Variants in CLSTN2 observed in about 807,000 individuals in gnomAD.
The protein encoded by CLSTN2 is calsyntenin 2, also known as calsyntenin-2.
A neutral mutation model predicts 101.2 loss-of-function variants in CLSTN2; 48 were observed. The observed-to-expected ratio is 0.47, with a 90% CI of 0.38 to 0.60. CLSTN2 has a LOEUF of 0.60. Among genes scored for constraint, CLSTN2 ranks in the 20% least tolerant of loss-of-function variants. The pLI, the probability that CLSTN2 is intolerant of heterozygous loss-of-function variation, is 0.00. For synonymous variants in CLSTN2, 481 were observed against 463.6 expected (o/e 1.04, Z -0.48); for missense variants, 1,160 against 1,238.2 (o/e 0.94, Z 0.95).
intron 8 of CLSTN2, among the ~76,000 whole-genome samples, chr3:140,468,874 G>A (rs1254299753): frequency 5.9e-5 from 9 of 152,202 alleles, no homozygotes. Flanking sequence ...TGCTCAAGCT[G>A]TCCTATTCTT....
At chr3:139,972,318 G>A (rs1935722124) in intron 1 of CLSTN2, among the ~76,000 whole-genome samples, 1 of 152,032 alleles carries the variant, frequency 6.6e-6, no homozygotes, top group African/African-American at 2.4e-5. Flanking sequence ...CAATTTAGTG[G>A]GTCCTCCTTT....
intron 2 of CLSTN2, among the ~76,000 whole-genome samples, chr3:140,227,286 C>G (rs1006051564): frequency 5.3e-5 from 8 of 152,184 alleles, no homozygotes; most frequent in Admixed American, 5.2e-4. Context: ...AAAGGGGCTA[C>G]AGGCTCCATG....
intron 2 of CLSTN2, among the ~76,000 whole-genome samples, chr3:140,222,079 G>A (rs897105127): frequency 5.3e-5 from 8 of 151,976 alleles, no homozygotes; most frequent in African/African-American, 1.2e-4. Context: ...GATGTCCACC[G>A]AGAGATGAAT....
intron 1 of CLSTN2, among the ~76,000 whole-genome samples, chr3:139,943,134 G>A (rs921796600): frequency 6.6e-6 from 1 of 151,982 alleles, no homozygotes; most frequent in Admixed American, 6.6e-5. Flanking sequence ...TGGCCTCTGG[G>A]TGAAAGGTAC....
At chr3:140,026,669 A>G (rs778164878) in intron 1 of CLSTN2, among the ~76,000 whole-genome samples, 2 of 152,220 alleles carry the variant, frequency 1.3e-5, no homozygotes, top group African/African-American at 2.4e-5. Flanking sequence ...TCCAGGCTGA[A>G]TGGCTGACTG....
rs2010737959 is a variant in CLSTN2, at chr3:140,203,059, GTC to G, written c.232+26988_232+26989del. 4.6e-5 allele frequency among the ~76,000 whole-genome samples: 7 copies of G among 152,288 alleles called. No homozygotes were observed. The South Asian group carries it at 1.5e-3, about 32-fold the overall frequency. On this transcript the variant is annotated intron_variant, in intron 2 of 16. Coordinates refer to ENST00000458420, the MANE Select transcript of CLSTN2 (RefSeq NM_022131.3). ...AGGTGGGAGGATCTGGCTCCTGAAT[GTC>G]TACATGGAGTAGTACCCTCCCCTCC...
chr3:140,564,038 C>A lies in CLSTN2; in HGVS notation c.2560C>A (p.Arg854=). The part of the protein sequence containing the change: ...LVFVVAMGVY[R]VRIAHQHFIQ... ...GTTTGTCGTGGCCATGGGTGTGTAC[C>A]GGGTCCGGATCGCCCACCAGCACTT... is the stretch of plus-strand genomic sequence containing the variant. The change falls in exon 16 of 17, where the codon CGG becomes AGG. Residue 854 remains arginine, a synonymous_variant. Coordinates refer to ENST00000458420, the MANE Select transcript of CLSTN2 (RefSeq NM_022131.3). 6.2e-7 allele frequency: 1 copy of A among 1,614,132 alleles called. No homozygotes were observed. Among genetic ancestry groups the A allele is most frequent in the South Asian group, 1.1e-5 (1 of 91,076 alleles).
intron 1 of CLSTN2, among the ~76,000 whole-genome samples, chr3:140,101,358 T>C (rs544698915): frequency 6.6e-6 from 1 of 152,210 alleles, no homozygotes; most frequent in Non-Finnish European, 1.5e-5. Context: ...CATATGCCAG[T>C]GTACATGTAC....
chr3:140,107,148 G>A (rs1427178148), intron 1 of CLSTN2, among the ~76,000 whole-genome samples: 6 of 152,182 alleles, frequency 3.9e-5, no homozygotes, highest in Admixed American at 6.5e-5. Context: ...TTTCTACAGA[G>A]CCCACAGGGA....
chr3:140,026,790 T>TA (rs2007430943), intron 1 of CLSTN2, among the ~76,000 whole-genome samples: 1 of 152,214 alleles, frequency 6.6e-6, no homozygotes. Context: ...TGAGACCCCC[T>TA]ACTTCCTATC....
Position 140,315,705 on chromosome 3 carries a change from C to A in CLSTN2, c.233-87924C>A, listed in dbSNP as rs76430229. On this transcript the variant is annotated intron_variant, in intron 2 of 16. Transcript: ENST00000458420. ...GTGGCTGTTACTTGAATGTGGGGCT[C>A]CCTCTAGCAATTTGTCTTCCAGGAG... Among the ~76,000 whole-genome samples, 580 of 152,256 alleles carry A rather than the reference C, an allele frequency of 3.8e-3. 9 individuals carry two copies. The highest frequency in any genetic ancestry group is 0.013 in the African/African-American group (550 of 41,546).
intron 1 of CLSTN2, among the ~76,000 whole-genome samples, chr3:140,066,391 C>T (rs1411484989): frequency 6.6e-6 from 1 of 152,164 alleles, no homozygotes; most frequent in Non-Finnish European, 1.5e-5. Context: ...TTTATAGCTG[C>T]CAAACCCTTT....
intron 9 of CLSTN2, among the ~76,000 whole-genome samples, chr3:140,543,381 C>T (rs1011466262): frequency 2.0e-5 from 3 of 152,208 alleles, no homozygotes; most frequent in Admixed American, 1.3e-4. Flanking sequence ...TTCCCATAGC[C>T]GTGGGCCATC....
In CLSTN2 at chr3:140,528,138, T is replaced by C. The variant is rs559558262; in HGVS notation, c.1345-4186T>C. Among the ~76,000 whole-genome samples the C allele has an allele frequency of 1.6e-3, 241 of 152,312 alleles. 2 individuals carry two copies. The highest frequency in any genetic ancestry group is 5.4e-3 in the African/African-American group (226 of 41,572). On this transcript the variant is annotated intron_variant, in intron 8 of 16. Coordinates refer to ENST00000458420, the MANE Select transcript of CLSTN2 (RefSeq NM_022131.3). ...TTTCTAATAGTGCCTAAGACAGAAT[T>C]GGTCCTCCTATTTTATAGGGTTGTG...
At chr3:139,982,745 A>C (rs1036819905) in intron 1 of CLSTN2, among the ~76,000 whole-genome samples, 1 of 152,200 alleles carries the variant, frequency 6.6e-6, no homozygotes, top group African/African-American at 2.4e-5. Flanking sequence ...AGTAATGTGC[A>C]TGTAACCTGA....
At chr3:140,507,255 C>T (rs1407297627) in intron 8 of CLSTN2, 2 of 152,218 alleles carry the variant, frequency 1.3e-5, no homozygotes, top group Admixed American at 6.5e-5. Context: ...TCAATCATCA[C>T]AACCCCTCAA....
chr3:140,160,322 T>C (rs2010025537), intron 1 of CLSTN2, among the ~76,000 whole-genome samples: 1 of 152,162 alleles, frequency 6.6e-6, no homozygotes, highest in Non-Finnish European at 1.5e-5. Flanking sequence ...AAATTTAATA[T>C]GGTGAGCCCT....
chr3:140,474,284 T>C (rs1252590727), intron 8 of CLSTN2, among the ~76,000 whole-genome samples: 1 of 152,098 alleles, frequency 6.6e-6, no homozygotes, highest in Non-Finnish European at 1.5e-5. Context: ...CAGTGTATGA[T>C]GTCTCTACCA....
At chr3:140,298,810 T>C (rs2087027190) in intron 2 of CLSTN2, among the ~76,000 whole-genome samples, 1 of 152,026 alleles carries the variant, frequency 6.6e-6, no homozygotes, top group Non-Finnish European at 1.5e-5. Flanking sequence ...GAAATGCAAA[T>C]AAACTACAAA....
Sources: gnomAD v4.1 joint callset for allele counts (sites outside exome capture counted in the v4.1 genomes callset) on GRCh38, gnomAD v4.1.1 for gene constraint, MANE v1.5 for transcripts, NCBI Gene and HGNC (gene_info 2026-07-23, HGNC 2026-07-21) for gene names.